PPP2R1A: variants seen among roughly 807,000 people sequenced by gnomAD.
PPP2R1A encodes serine/threonine-protein phosphatase 2A 65 kDa regulatory subunit A alpha isoform.
Under a neutral mutation model 67.1 loss-of-function variants are expected in PPP2R1A, and 15 were observed. The ratio of observed to expected loss-of-function variants is 0.22; its 90% CI spans 0.15 to 0.34. PPP2R1A has a LOEUF of 0.34. Among genes scored for constraint, PPP2R1A ranks in the 10% least tolerant of loss-of-function variants. PPP2R1A has a pLI of 1.00. For synonymous variants in PPP2R1A, 337 were observed against 325.0 expected, an observed-to-expected ratio of 1.04 and a Z score of -0.40; for missense variants, 369 against 775.0, an observed-to-expected ratio of 0.48 and a Z score of 6.22.
At chr19:52,210,784 G>A (rs148889731) in intron 3 of PPP2R1A, among the ~76,000 whole-genome samples, 1,759 of 152,204 alleles carry the variant, frequency 0.012, 32 homozygotes, top group African/African-American at 0.04. Flanking sequence ...GAGCCACTGC[G>A]CCCGGCCCGT....
At position 52,212,635 on chromosome 19, in the gene PPP2R1A, CCT is replaced by C; in HGVS notation, c.504-46_504-45del. ...CACAACTGCAGAGTCTGTGCTTGCT[CCT>C]CTCTGCCATACTGCCTGCTGCCTCA... On this transcript the variant is annotated intron_variant, in intron 4 of 14. Coordinates refer to ENST00000322088, the MANE Select transcript of PPP2R1A (RefSeq NM_014225.6). This position sits in a 1 kb window ranked among gnomAD's most constrained non-coding sequence, Gnocchi z 4.1. 6 of 1,596,764 alleles carry C rather than the reference CCT, an allele frequency of 3.8e-6. No individual in the cohort carries two copies. Among genetic ancestry groups the C allele is most frequent in the Non-Finnish European group, 5.1e-6 (6 of 1,175,824 alleles).
Position 52,226,343 on chromosome 19 carries a change from G to T in PPP2R1A, c.*362G>T, listed in dbSNP as rs1212306378. Reference sequence around the variant, plus strand: ...TCCTCCCCATCATTGGTTTTTTTTTGTGTGTCAACTGTGCCGTTTTTATTT... The same window carrying T: ...TCCTCCCCATCATTGGTTTTTTTTTTTGTGTCAACTGTGCCGTTTTTATTT... On this transcript the variant is annotated 3_prime_UTR_variant, in exon 15 of 15. Transcript: ENST00000322088. The T allele has an allele frequency of 1.6e-5, 6 of 382,048 alleles. No homozygotes were observed. Among genetic ancestry groups the T allele is most frequent in the Admixed American group, 8.5e-5 (2 of 23,480 alleles). The allele number at this position is 382,048 out of a possible 1,614,324, so 23.7% of individuals were successfully genotyped here. A position where few individuals can be genotyped will look rare whatever the true frequency, so the allele number is the denominator to read the frequency against.
At chr19:52,203,314 A>G (rs906795938) in intron 2 of PPP2R1A, among the ~76,000 whole-genome samples, 1 of 152,204 alleles carries the variant, frequency 6.6e-6, no homozygotes, top group Non-Finnish European at 1.5e-5. Context: ...AATGGCCCCA[A>G]ACCAGGTGGC....
chr19:52,204,791 T>A (rs139549698), intron 2 of PPP2R1A, among the ~76,000 whole-genome samples: 2 of 152,328 alleles, frequency 1.3e-5, no homozygotes, highest in African/African-American at 4.8e-5. Context: ...GCAGAGATAC[T>A]AACCCTCCTA....
chr19:52,203,030 T>G (rs2089567059), intron 2 of PPP2R1A, among the ~76,000 whole-genome samples: 1 of 152,238 alleles, frequency 6.6e-6, no homozygotes, highest in South Asian at 2.1e-4. Flanking sequence ...CTTCATATTT[T>G]ATACTTATTA....
At position 52,229,496 on chromosome 19, in the gene PPP2R1A, T is replaced by C. The variant is rs1979447558; in HGVS notation, c.*3515T>C. 1.3e-5 allele frequency: 2 copies of C among 151,904 alleles called. No individual in the cohort carries two copies. The highest frequency in any genetic ancestry group is 4.8e-5 in the African/African-American group (2 of 41,338). The allele number at this position is 151,904 out of a possible 1,614,324, so 9.4% of individuals were successfully genotyped here. A position where few individuals can be genotyped will look rare whatever the true frequency, so the allele number is the denominator to read the frequency against. ...TCAAAAAGAGAAAATCCAATAAAGA[T>C]TTAGTGCCAGGCCTTGACTCCAGCA... is the stretch of plus-strand genomic sequence containing the variant. On this transcript the variant is annotated 3_prime_UTR_variant, in exon 15 of 15. Transcript: ENST00000322088.
intron 13 of PPP2R1A, among the ~76,000 whole-genome samples, chr19:52,225,011 C>CTTTTT (rs61015844): frequency 9.9e-5 from 10 of 101,072 alleles, no homozygotes; most frequent in African/African-American, 2.1e-4. Flanking sequence ...TTGAGTTTAC[C>CTTTTT]TTTTTTTTTT....
chr19:52,222,130 C>A lies in PPP2R1A; in HGVS notation c.1550C>A (p.Thr517Asn). ...VLSEVCGQDI[T>N]TKHMLPTVLR... The stretch of plus-strand genomic sequence containing the variant: ...TCTGAGGTCTGTGGGCAGGACATCA[C>A]CACCAAGCACATGCTACCCACGGTT... The change falls in exon 13 of 15, where the codon ACC becomes AAC. Residue 517 changes from threonine to asparagine, a missense_variant. Transcript: ENST00000322088. 1 of 1,613,810 alleles carries A rather than the reference C, an allele frequency of 6.2e-7. No individual in the cohort carries two copies. The highest frequency in any genetic ancestry group is 8.5e-7 in the Non-Finnish European group (1 of 1,179,876).
rs1421232082 is a variant in PPP2R1A at position 52,216,606 on chromosome 19, C to G, written c.1071C>G (p.Gly357=). The G allele has an allele frequency of 1.9e-6, 3 of 1,614,052 alleles. No homozygotes were observed. The highest frequency in any genetic ancestry group is 2.5e-6 in the Non-Finnish European group (3 of 1,180,050). ...SVIMGLSPIL[G]KDNTIEHLLP... ...TCATGGGTCTCTCTCCCATCTTGGGCAAAGACAACACCATCGAGCACCTCT... is the reference window on the plus strand; with the variant it reads ...TCATGGGTCTCTCTCCCATCTTGGGGAAAGACAACACCATCGAGCACCTCT... The change falls in exon 9 of 15, where the codon GGC becomes GGG. Residue 357 remains glycine, a synonymous_variant. Coordinates refer to ENST00000322088, the MANE Select transcript of PPP2R1A (RefSeq NM_014225.6). This position sits in a 1 kb window ranked among gnomAD's most constrained non-coding sequence, Gnocchi z 4.3.
rs1568588245 is a variant in PPP2R1A at position 52,202,049 on chromosome 19, C to T, written c.169+15C>T. ...TTTCCTTACAGGTAACAAAGGGGAC[C>T]CCTGGGGCCCAGATGTGGGGACTCT... On this transcript the variant is annotated intron_variant, in intron 2 of 14. Coordinates refer to ENST00000322088, the MANE Select transcript of PPP2R1A (RefSeq NM_014225.6). 1 of 1,608,894 alleles carries T rather than the reference C, an allele frequency of 6.2e-7. No individual in the cohort carries two copies. Among genetic ancestry groups the T allele is most frequent in the Non-Finnish European group, 8.5e-7 (1 of 1,175,362 alleles).
At chr19:52,218,370 C>G (rs1978710250) in intron 9 of PPP2R1A, among the ~76,000 whole-genome samples, 1 of 152,212 alleles carries the variant, frequency 6.6e-6, no homozygotes. Flanking sequence ...GTGGAGTAAT[C>G]TCTTAGCCCC....
chr19:52,219,939 A>C lies in PPP2R1A; in HGVS notation c.1302+75A>C. The C allele has an allele frequency of 6.6e-7, 1 of 1,505,716 alleles. No homozygotes were observed. The highest frequency in any genetic ancestry group is 8.9e-7 in the Non-Finnish European group (1 of 1,123,946). The allele number at this position is 1,505,716 out of a possible 1,614,324, so 93.3% of individuals were successfully genotyped here. On this transcript the variant is annotated intron_variant, in intron 10 of 14. Coordinates refer to ENST00000322088, the MANE Select transcript of PPP2R1A (RefSeq NM_014225.6). This position sits in a 1 kb window ranked among gnomAD's most constrained non-coding sequence, Gnocchi z 4.0. ...AGTATGTCCAGGGCTGTGATGGGGA[A>C]ACGGGGCTTTGAAGGCTTAGTGGAG... is the stretch of plus-strand genomic sequence containing the variant.
chr19:52,215,857 G>T lies in PPP2R1A; in HGVS notation c.886G>T (p.Ala296Ser). 1 of 1,614,010 alleles carries T rather than the reference G, an allele frequency of 6.2e-7. No individual in the cohort carries two copies. The highest frequency in any genetic ancestry group is 8.5e-7 in the Non-Finnish European group (1 of 1,179,926). ...AFQNLMKDCE[A>S]EVRAAASHKV... Reference sequence around the variant, plus strand: ...CCAGAACCTGATGAAAGACTGTGAGGCCGAGGTGAGGGCCGCAGCCTCCCA... The same window carrying T: ...CCAGAACCTGATGAAAGACTGTGAGTCCGAGGTGAGGGCCGCAGCCTCCCA... The change falls in exon 7 of 15, where the codon GCC (alanine) becomes TCC (serine). Residue 296 changes from alanine to serine, a missense_variant. Around this residue, in one of 2 missense-constraint regions of PPP2R1A, gnomAD observed 276 missense variants for 508.4 expected, o/e 0.54. Coordinates refer to ENST00000322088, the MANE Select transcript of PPP2R1A (RefSeq NM_014225.6).
intron 2 of PPP2R1A, among the ~76,000 whole-genome samples, chr19:52,203,969 C>T (rs1284475989): frequency 2.6e-5 from 4 of 152,180 alleles, no homozygotes; most frequent in East Asian, 1.9e-4. Context: ...CTGGAGCTTC[C>T]GTGCCCTCCC....
intron 13 of PPP2R1A, among the ~76,000 whole-genome samples, chr19:52,223,325 A>G (rs775513093): frequency 6.6e-6 from 1 of 152,264 alleles, no homozygotes; most frequent in South Asian, 2.1e-4. Context: ...GTAGGAAAAT[A>G]TCTTCTTGAG....
In PPP2R1A at chr19:52,229,157, AT is replaced by A. The variant is rs138938500; in HGVS notation, c.*3178del. The A allele has an allele frequency of 0.38, 57,119 of 152,096 alleles. 11,414 individuals carry two copies. The highest frequency in any genetic ancestry group is 0.53 in the African/African-American group (21,874 of 41,384). The allele number at this position is 152,096 out of a possible 1,614,324, so 9.4% of individuals were successfully genotyped here. A position where few individuals can be genotyped will look rare whatever the true frequency, so the allele number is the denominator to read the frequency against. On this transcript the variant is annotated 3_prime_UTR_variant, in exon 15 of 15. Transcript: ENST00000322088. ...TGGCATGAGGCATAAATTTAAAAAA[AT>A]TGGTGTGGGCACAGTGGCTCGCACC...
chr19:52,209,789 G>A (rs1488589289), intron 3 of PPP2R1A, among the ~76,000 whole-genome samples: 1 of 152,122 alleles, frequency 6.6e-6, no homozygotes, highest in African/African-American at 2.4e-5. Context: ...ATTTCCCTTG[G>A]CATAACATCT....
rs537141471 is a variant in PPP2R1A, at chr19:52,218,051, C to T, written c.1128+1388C>T. Among the ~76,000 whole-genome samples the T allele has an allele frequency of 1.5e-3, 228 of 152,250 alleles. 3 individuals carry two copies. Among genetic ancestry groups the T allele is most frequent in the African/African-American group, 5.2e-3 (214 of 41,542 alleles). ...TAAGTGGTATGTAGAGATGAGGCTGCATTGATACGGAAGGATTCAAGATTG... is the reference window on the plus strand; with the variant it reads ...TAAGTGGTATGTAGAGATGAGGCTGTATTGATACGGAAGGATTCAAGATTG... On this transcript the variant is annotated intron_variant, in intron 9 of 14. Transcript: ENST00000322088.
chr19:52,216,473 C>T lies in PPP2R1A; in HGVS notation c.994-56C>T. The T allele has an allele frequency of 1.2e-6, 2 of 1,608,166 alleles. No individual in the cohort carries two copies. The highest frequency in any genetic ancestry group is 1.7e-6 in the Non-Finnish European group (2 of 1,175,748). On this transcript the variant is annotated intron_variant, in intron 8 of 14. Transcript: ENST00000322088. The surrounding 1 kb of genome is among the most constrained non-coding windows in gnomAD (Gnocchi z 4.3). Reference sequence around the variant, plus strand: ...TCTTAGGAGTTGGCATCTGCTTAGCCACTTGCTGCTGCAGGGGTTGCACTG... The same window carrying T: ...TCTTAGGAGTTGGCATCTGCTTAGCTACTTGCTGCTGCAGGGGTTGCACTG...
Sources: allele counts gnomAD v4.1 joint callset (sites outside exome capture counted in the v4.1 genomes callset), GRCh38; gene constraint gnomAD v4.1.1; regional missense constraint gnomAD v4.1.1; non-coding constraint Gnocchi (gnomAD v3.1); transcripts MANE v1.5; gene names NCBI Gene and HGNC (gene_info 2026-07-23, HGNC 2026-07-21).